Variants in ENOX2 observed in about 807,000 individuals in gnomAD.
ENOX2 encodes ecto-NOX disulfide-thiol exchanger 2.
In ENOX2, 36 loss-of-function variants were observed where a neutral mutation model predicts 45.0. The ratio of observed to expected loss-of-function variants is 0.80; its 90% CI spans 0.61 to 1.06. The LOEUF is 1.06. Among genes scored for constraint, ENOX2 ranks in the 50% least tolerant of loss-of-function variants. The pLI, the probability that ENOX2 is intolerant of heterozygous loss-of-function variation, is 0.00. For synonymous variants in ENOX2, 174 were observed against 152.3 expected, an observed-to-expected ratio of 1.14 and a Z score of -1.05; for missense variants, 423 against 462.5, an observed-to-expected ratio of 0.91 and a Z score of 0.78.
intron 5 of ENOX2, among the ~76,000 whole-genome samples, chrX:130,680,748 T>C (rs1034173123): frequency 1.8e-5 from 2 of 112,596 alleles, no homozygotes; most frequent in African/African-American, 6.5e-5. Flanking sequence ...ACAATTCTCC[T>C]AGCTCAAGAT....
intron 9 of ENOX2, among the ~76,000 whole-genome samples, chrX:130,658,617 C>G (rs2036606898): frequency 8.9e-6 from 1 of 111,944 alleles, no homozygotes; most frequent in South Asian, 3.7e-4. Context: ...CTCTGGAAAG[C>G]AGCCAGAGAA....
At chrX:130,775,211 T>C (rs1403447369) in intron 3 of ENOX2, among the ~76,000 whole-genome samples, 1 of 110,092 alleles carries the variant, frequency 9.1e-6, no homozygotes, top group Non-Finnish European at 1.9e-5. Context: ...CGAAACCCCG[T>C]CTCTACAAAA....
intron 3 of ENOX2, among the ~76,000 whole-genome samples, chrX:130,733,822 C>T (rs928641360): frequency 8.3e-4 from 93 of 111,944 alleles, no homozygotes; most frequent in African/African-American, 3.0e-3. Context: ...AATTGTTCTG[C>T]GTCTTCACTA....
chrX:130,726,776 C>A (rs147873245), intron 3 of ENOX2, among the ~76,000 whole-genome samples: 1 of 112,462 alleles, frequency 8.9e-6, no homozygotes, highest in East Asian at 2.8e-4. Flanking sequence ...TGGCTTTCTC[C>A]CTTTGGTATG....
intron 3 of ENOX2, among the ~76,000 whole-genome samples, chrX:130,770,926 G>A (rs923318103): frequency 1.8e-5 from 2 of 112,259 alleles, no homozygotes; most frequent in African/African-American, 6.5e-5. Flanking sequence ...ACTTGTTCAC[G>A]TGTACAAAGC....
chrX:130,771,973 A>G (rs898495604), intron 3 of ENOX2, among the ~76,000 whole-genome samples: 1 of 111,943 alleles, frequency 8.9e-6, no homozygotes, highest in Admixed American at 9.5e-5. Context: ...AGTTACAGTA[A>G]ACATCAGTTA....
chrX:130,718,530 T>C (rs2038387890), intron 3 of ENOX2, among the ~76,000 whole-genome samples: 1 of 112,067 alleles, frequency 8.9e-6, no homozygotes, highest in Non-Finnish European at 1.9e-5. Flanking sequence ...GGGATATTAA[T>C]TGGAAAAGTA....
At chrX:130,865,389 C>T (rs1279061344) in intron 2 of ENOX2, among the ~76,000 whole-genome samples, 4 of 111,854 alleles carry the variant, frequency 3.6e-5, no homozygotes, top group African/African-American at 6.5e-5. Flanking sequence ...AAACGATCTA[C>T]CTCCATCTTC....
At chrX:130,652,024 C>T (rs753843077) in intron 10 of ENOX2, among the ~76,000 whole-genome samples, 20 of 111,726 alleles carry the variant, frequency 1.8e-4, no homozygotes, top group Non-Finnish European at 3.0e-4. Flanking sequence ...ATTCTAGTTG[C>T]CATTTATAAT....
intron 6 of ENOX2, among the ~76,000 whole-genome samples, chrX:130,672,655 A>G (rs2037020501): frequency 8.9e-6 from 1 of 112,225 alleles, no homozygotes; most frequent in Non-Finnish European, 1.9e-5. Context: ...TTCCTCCCCA[A>G]AGTCACTCCT....
intron 2 of ENOX2, among the ~76,000 whole-genome samples, chrX:130,794,654 TG>T (rs1262924670): frequency 4.4e-5 from 5 of 112,726 alleles, no homozygotes; most frequent in African/African-American, 9.7e-5. Context: ...TGCATTTCAG[TG>T]TAAGATGTTT....
intron 2 of ENOX2, among the ~76,000 whole-genome samples, chrX:130,803,927 T>C (rs1299425631): frequency 4.5e-5 from 5 of 111,653 alleles, no homozygotes; most frequent in Non-Finnish European, 9.4e-5. Flanking sequence ...GAATTCACCT[T>C]TTCACAGAGG....
At chrX:130,821,691 T>TA (rs1308539307) in intron 2 of ENOX2, among the ~76,000 whole-genome samples, 68 of 32,990 alleles carry the variant, frequency 2.1e-3, no homozygotes, top group East Asian at 0.019. Context: ...TAAAGTATAA[T>TA]AAAAAAAAAA....
intron 10 of ENOX2, among the ~76,000 whole-genome samples, chrX:130,637,998 C>T (rs1342196922): frequency 1.8e-5 from 2 of 111,163 alleles, no homozygotes; most frequent in Admixed American, 9.5e-5. Flanking sequence ...AAAAGAAATA[C>T]AAGGCACAGA....
At chrX:130,832,988 G>T in intron 2 of ENOX2, among the ~76,000 whole-genome samples, 1 of 101,773 alleles carries the variant, frequency 9.8e-6, no homozygotes, top group East Asian at 3.2e-4. Context: ...AACGTCATCT[G>T]AAGTATAAGT....
At chrX:130,833,011 TCACACACACACACACACACACA>T (rs10568834) in intron 2 of ENOX2, among the ~76,000 whole-genome samples, 1 of 82,992 alleles carries the variant, frequency 1.2e-5, no homozygotes, top group Non-Finnish European at 2.5e-5. Context: ...TCATGTATAA[TCACACACACACACACACACACA>T]CACACACACA....
intron 10 of ENOX2, among the ~76,000 whole-genome samples, chrX:130,655,471 C>T (rs1296143392): frequency 9.0e-6 from 1 of 111,462 alleles, no homozygotes; most frequent in Non-Finnish European, 1.9e-5. Flanking sequence ...ATTACAATCT[C>T]TCTCTCTCTG....
At chrX:130,721,114 C>T (rs2038463295) in intron 3 of ENOX2, among the ~76,000 whole-genome samples, 1 of 111,204 alleles carries the variant, frequency 9.0e-6, no homozygotes, top group African/African-American at 3.3e-5. Context: ...TATCTGAATA[C>T]GATCGTGTCA....
chrX:130,632,345 AGAATGTAG>A lies in ENOX2; in HGVS notation c.1420-777_1420-770del, dbSNP rs1249417999. On this transcript the variant is annotated intron_variant, in intron 12 of 14. Transcript: ENST00000394363. The stretch of plus-strand genomic sequence containing the variant: ...TTGTTGTGGAAAGTTCTTCTCTTTC[AGAATGTAG>A]CAGGAAGGGGCGGGGGGGGGGGGTG... Among the ~76,000 whole-genome samples the A allele has an allele frequency of 9.7e-3, 557 of 57,366 alleles. 1 individual carries two copies. Among genetic ancestry groups the A allele is most frequent in the South Asian group, 0.046 (28 of 608 alleles). The allele number at this position is 57,366 out of a possible 115,157, so 49.8% of individuals were successfully genotyped here.
Sources: gnomAD v4.1 joint callset for allele counts (sites outside exome capture counted in the v4.1 genomes callset) on GRCh38, gnomAD v4.1.1 for gene constraint, MANE v1.5 for transcripts, NCBI Gene and HGNC (gene_info 2026-07-23, HGNC 2026-07-21) for gene names.